Variants in TMEM154 observed in about 807,000 individuals in gnomAD.
The protein encoded by TMEM154 is transmembrane protein 154.
In TMEM154, 27 loss-of-function variants were observed where a neutral mutation model predicts 24.5. The observed-to-expected ratio is 1.10, with a 90% CI of 0.81 to 1.52. The LOEUF is 1.52. Ranked by LOEUF, TMEM154 falls within the 40% of genes most tolerant of loss-of-function variation. The probability of loss-of-function intolerance (pLI) is 0.00; values close to 1 mark genes in which losing one functional copy is unlikely to be tolerated. For synonymous variants in TMEM154, 67 were observed against 76.8 expected, an observed-to-expected ratio of 0.87 and a Z score of 0.67; for missense variants, 228 against 213.4, an observed-to-expected ratio of 1.07 and a Z score of -0.43.
At position 152,622,667 on chromosome 4, in the gene TMEM154, T is replaced by C. The variant is rs1751861075; in HGVS notation, c.*5879A>G. 1 of 152,156 alleles carries C rather than the reference T, an allele frequency of 6.6e-6. No individual in the cohort carries two copies. Among genetic ancestry groups the C allele is most frequent in the Non-Finnish European group, 1.5e-5 (1 of 68,024 alleles). The allele number at this position is 152,156 out of a possible 1,614,324, so 9.4% of individuals were successfully genotyped here. On this transcript the variant is annotated 3_prime_UTR_variant, in exon 7 of 7. Coordinates refer to ENST00000304385, the MANE Select transcript of TMEM154 (RefSeq NM_152680.3). Reference sequence around the variant, plus strand: ...AAAAAAAAATGGAGTTGAGAATAATTTATATATACATATGTATACTGACAT... The same window carrying C: ...AAAAAAAAATGGAGTTGAGAATAATCTATATATACATATGTATACTGACAT...
At chr4:152,658,817 G>A (rs201847308) in intron 1 of TMEM154, among the ~76,000 whole-genome samples, 37 of 143,782 alleles carry the variant, frequency 2.6e-4, no homozygotes, top group Non-Finnish European at 2.1e-4. Context: ...CATCTCAAAA[G>A]AAAAAAAAAA....
At chr4:152,662,944 T>C (rs1728642175) in intron 1 of TMEM154, among the ~76,000 whole-genome samples, 1 of 152,160 alleles carries the variant, frequency 6.6e-6, no homozygotes, top group Non-Finnish European at 1.5e-5. Flanking sequence ...GAAGACAGGA[T>C]TTGAATTCAG....
chr4:152,654,881 T>C (rs1015014547), intron 1 of TMEM154, among the ~76,000 whole-genome samples: 1 of 152,236 alleles, frequency 6.6e-6, no homozygotes, highest in South Asian at 2.1e-4. Flanking sequence ...ATTGTGTTGA[T>C]TGTATGAATA....
chr4:152,676,010 C>A (rs28697120), intron 1 of TMEM154, among the ~76,000 whole-genome samples: 16,499 of 152,142 alleles, frequency 0.11, 1,187 homozygotes, highest in African/African-American at 0.2. Context: ...TAGGGCTCTC[C>A]CACAGTGACT....
At chr4:152,643,719 G>A (rs1752300943) in intron 4 of TMEM154, among the ~76,000 whole-genome samples, 1 of 152,182 alleles carries the variant, frequency 6.6e-6, no homozygotes, top group South Asian at 2.1e-4. Flanking sequence ...CACAGTCAGG[G>A]GACAGAGTCC....
At chr4:152,668,963 C>T (rs1182342339) in intron 1 of TMEM154, 1 of 152,196 alleles carries the variant, frequency 6.6e-6, no homozygotes, top group Non-Finnish European at 1.5e-5. Context: ...AGAATCAATC[C>T]TACCCTTCCA....
chr4:152,673,730 ATTTTAC>A (rs1728897754), intron 1 of TMEM154, among the ~76,000 whole-genome samples: 1 of 152,106 alleles, frequency 6.6e-6, no homozygotes, highest in East Asian at 1.9e-4. Context: ...GAATTCATTA[ATTTTAC>A]TTGTTATGTT....
At position 152,627,460 on chromosome 4, in the gene TMEM154, C is replaced by T. The variant is rs1052212534; in HGVS notation, c.*1086G>A. On this transcript the variant is annotated 3_prime_UTR_variant, in exon 7 of 7. Coordinates refer to ENST00000304385, the MANE Select transcript of TMEM154 (RefSeq NM_152680.3). ...ACAATTTTACTGGAGTAGGTGTGGTCAATAGGCCCTTTTCCATTTTGTGCC... is the reference window on the plus strand; with the variant it reads ...ACAATTTTACTGGAGTAGGTGTGGTTAATAGGCCCTTTTCCATTTTGTGCC... 1.3e-5 allele frequency: 2 copies of T among 152,248 alleles called. No individual in the cohort carries two copies. The highest frequency in any genetic ancestry group is 4.8e-5 in the African/African-American group (2 of 41,554). 9.4% of individuals were successfully genotyped at this position (152,248 alleles called of 1,614,324 possible).
rs1751836323 is a variant in TMEM154 at position 152,620,960 on chromosome 4, T to C, written c.*7586A>G. ...AATTACTAGGATTAAAATGAGATGA[T>C]GTATGTTTAGTGTTTAGCACCTTCT... On this transcript the variant is annotated 3_prime_UTR_variant, in exon 7 of 7. Transcript: ENST00000304385. 1 of 152,214 alleles carries C rather than the reference T, an allele frequency of 6.6e-6. No homozygotes were observed. The highest frequency in any genetic ancestry group is 2.4e-5 in the African/African-American group (1 of 41,448). The allele number at this position is 152,214 out of a possible 1,614,324, so 9.4% of individuals were successfully genotyped here.
Position 152,628,600 on chromosome 4 carries a change from A to AAAAAAC in TMEM154, c.537-40_537-39insGTTTTT, listed in dbSNP as rs1561042688. ...AAAAAAAAAAAAAAAAAACAAAAAA[A>AAAAAAC]ACACACACACACACACAAAACAGTA... is the stretch of plus-strand genomic sequence containing the variant. On this transcript the variant is annotated intron_variant, in intron 6 of 6. Transcript: ENST00000304385. 1.3e-4 allele frequency: 131 copies of AAAAAAC among 989,684 alleles called. 2 individuals are homozygous for AAAAAAC. The highest frequency in any genetic ancestry group is 3.4e-4 in the Middle Eastern group (1 of 2,976). The allele number at this position is 989,684 out of a possible 1,614,324, so 61.3% of individuals were successfully genotyped here. A position where few individuals can be genotyped will look rare whatever the true frequency, so the allele number is the denominator to read the frequency against.
At position 152,619,052 on chromosome 4, in the gene TMEM154, G is replaced by A. The variant is rs901896408; in HGVS notation, c.*9494C>T. The A allele has an allele frequency of 2.0e-4, 31 of 152,274 alleles. No individual in the cohort carries two copies. Among genetic ancestry groups the A allele is most frequent in the African/African-American group, 7.0e-4 (29 of 41,558 alleles). The allele number at this position is 152,274 out of a possible 1,614,324, so 9.4% of individuals were successfully genotyped here. A position where few individuals can be genotyped will look rare whatever the true frequency, so the allele number is the denominator to read the frequency against. On this transcript the variant is annotated 3_prime_UTR_variant, in exon 7 of 7. Coordinates refer to ENST00000304385, the MANE Select transcript of TMEM154 (RefSeq NM_152680.3). ...CTGTTATTATGGAGCGTGCAGTAGC[G>A]CCAAGCACTTTTCAGGATACAGAGA...
intron 1 of TMEM154, among the ~76,000 whole-genome samples, chr4:152,655,969 T>G (rs1164705813): frequency 6.6e-6 from 1 of 152,090 alleles, no homozygotes; most frequent in Non-Finnish European, 1.5e-5. Flanking sequence ...AGTACTTGAG[T>G]GTGCCATTTG....
At chr4:152,666,566 C>G (rs1260661473) in intron 1 of TMEM154, 2 of 152,158 alleles carry the variant, frequency 1.3e-5, no homozygotes, top group Non-Finnish European at 2.9e-5. Flanking sequence ...CCTGCTTCAG[C>G]CTCTCAAAGT....
At chr4:152,636,552 A>G (rs1752152545) in intron 6 of TMEM154, among the ~76,000 whole-genome samples, 1 of 152,268 alleles carries the variant, frequency 6.6e-6, no homozygotes, top group African/African-American at 2.4e-5. Flanking sequence ...TCCATAGCTC[A>G]GGAAGAATAT....
intron 1 of TMEM154, among the ~76,000 whole-genome samples, chr4:152,659,243 A>G (rs1424639371): frequency 1.3e-5 from 2 of 152,212 alleles, no homozygotes; most frequent in African/African-American, 4.8e-5. Flanking sequence ...TCATTATTTT[A>G]AGTAAAATAA....
At chr4:152,649,810 G>A (rs1475961628) in intron 3 of TMEM154, among the ~76,000 whole-genome samples, 2 of 152,158 alleles carry the variant, frequency 1.3e-5, no homozygotes, top group African/African-American at 4.8e-5. Context: ...GCATCCCCCA[G>A]AAATATGCAG....
intron 6 of TMEM154, among the ~76,000 whole-genome samples, chr4:152,630,244 C>G (rs181294989): frequency 1.5e-5 from 2 of 131,408 alleles, no homozygotes; most frequent in African/African-American, 5.7e-5. Flanking sequence ...CCCTACCGTT[C>G]GAGGCTGTAG....
intron 3 of TMEM154, 55 bp from the exon 4 acceptor site, chr4:152,644,497 T>C (rs112400756): frequency 2.5e-6 from 4 of 1,574,658 alleles, no homozygotes; most frequent in African/African-American, 2.7e-5. Context: ...GTAACAACTT[T>C]TAATTTCAAC....
intron 1 of TMEM154, among the ~76,000 whole-genome samples, chr4:152,677,650 A>T (rs1728976305): frequency 6.6e-6 from 1 of 152,248 alleles, no homozygotes; most frequent in African/African-American, 2.4e-5. Context: ...TGGGAATCCC[A>T]GCAGGGCCCA....
Sources: allele counts gnomAD v4.1 joint callset (sites outside exome capture counted in the v4.1 genomes callset), GRCh38; gene constraint gnomAD v4.1.1; transcripts MANE v1.5; gene names NCBI Gene and HGNC (gene_info 2026-07-23, HGNC 2026-07-21).